TM2D2: variants seen among roughly 807,000 people sequenced by gnomAD.
The protein encoded by TM2D2 is TM2 domain-containing protein 2.
A neutral mutation model predicts 23.0 loss-of-function variants in TM2D2; 19 were observed. The observed-to-expected ratio is 0.82, with a 90% CI of 0.58 to 1.21. TM2D2 has a LOEUF of 1.21. TM2D2 is among the 50% of genes most tolerant of loss of function. The pLI, the probability that TM2D2 is intolerant of heterozygous loss-of-function variation, is 0.00. For missense variants in TM2D2, 246 were observed against 265.4 expected (o/e 0.93, Z 0.51); for synonymous variants, 120 against 108.8 (o/e 1.10, Z -0.64).
rs201964368 is a variant in TM2D2 at position 38,993,658 on chromosome 8, G to T, written c.318C>A (p.Phe106Leu). 6.2e-7 allele frequency: 1 copy of T among 1,611,986 alleles called. No homozygotes were observed. The highest frequency in any genetic ancestry group is 8.5e-7 in the Non-Finnish European group (1 of 1,178,694). Residue 106 changes from phenylalanine to leucine, a missense_variant and splice_region_variant, in exon 3 of 4, where the codon TTC becomes TTA. By Grantham distance (22) the Phe-to-Leu change is conservative. Coordinates refer to ENST00000456397, the MANE Select transcript of TM2D2 (RefSeq NM_078473.3). ...SQELGYGCLKFGGQAYSDVEH... is the reference protein window; with the variant it reads ...SQELGYGCLKLGGQAYSDVEH... ...CCACGTCGCTGTAGGCCTGACCGCC[G>T]AACTGTGGAATAACAACCAAGACCA...
chr8:38,996,940 C>A, upstream of TM2D2: 10 of 1,458,854 alleles, frequency 6.9e-6, no homozygotes, highest in Non-Finnish European at 9.3e-6. Flanking sequence ...TCGTCGGGCG[C>A]GCGTGCTCGT....
chr8:38,993,441 G>GT, intron 3 of TM2D2, 104 bp downstream of exon 3: 1 of 776,498 alleles, frequency 1.3e-6, no homozygotes, highest in Non-Finnish European at 2.0e-6. Context: ...GGGTAACAGA[G>GT]TGAGACCCTG....
rs1835588972 is a variant in TM2D2 at position 38,991,226 on chromosome 8, G to A, written c.*106C>T. 4.1e-6 allele frequency: 4 copies of A among 980,536 alleles called. No individual in the cohort carries two copies. In the East Asian group the frequency reaches 7.9e-5, roughly 19 times the overall value. The allele number at this position is 980,536 out of a possible 1,614,324, so 60.7% of individuals were successfully genotyped here. On this transcript the variant is annotated 3_prime_UTR_variant, in exon 4 of 4. Coordinates refer to ENST00000456397, the MANE Select transcript of TM2D2 (RefSeq NM_078473.3). The stretch of plus-strand genomic sequence containing the variant: ...CCAAACAAATGCCCTCCAAAAGAAG[G>A]AAAATAACATCAGGTCTGATATCAA...
At position 38,991,147 on chromosome 8, in the gene TM2D2, G is replaced by A. The variant is rs576470087; in HGVS notation, c.*185C>T. ...CACAACACTTTTTGCTTGTCATTCC[G>A]TCTGCAAGGTAAAATCTGGGTTGAA... On this transcript the variant is annotated 3_prime_UTR_variant, in exon 4 of 4. Transcript: ENST00000456397. The A allele has an allele frequency of 2.1e-5, 13 of 609,032 alleles. No homozygotes were observed. Among genetic ancestry groups the A allele is most frequent in the South Asian group, 4.1e-5 (2 of 49,320 alleles). The allele number at this position is 609,032 out of a possible 1,614,324, so 37.7% of individuals were successfully genotyped here.
chr8:38,989,758 T>C lies in TM2D2; in HGVS notation c.*1574A>G, dbSNP rs554622328. On this transcript the variant is annotated 3_prime_UTR_variant, in exon 4 of 4. Coordinates refer to ENST00000456397, the MANE Select transcript of TM2D2 (RefSeq NM_078473.3). ...TTGGGTAATATTATAATTTATGTTT[T>C]TTAGACTTCCCTTAGAAATTTTTTT... 1 of 152,348 alleles carries C rather than the reference T, an allele frequency of 6.6e-6. No homozygotes were observed. The highest frequency in any genetic ancestry group is 2.1e-4 in the South Asian group (1 of 4,826). 9.4% of individuals were successfully genotyped at this position (152,348 alleles called of 1,614,324 possible).
At position 38,993,654 on chromosome 8, in the gene TM2D2, C is replaced by A; in HGVS notation, c.322G>T (p.Gly108Cys). 1 of 1,612,722 alleles carries A rather than the reference C, an allele frequency of 6.2e-7. No homozygotes were observed. Among genetic ancestry groups the A allele is most frequent in the South Asian group, 1.1e-5 (1 of 90,974 alleles). ...ELGYGCLKFG[G>C]QAYSDVEHTS... Reference sequence around the variant, plus strand: ...TGTTCCACGTCGCTGTAGGCCTGACCGCCGAACTGTGGAATAACAACCAAG... The same window carrying A: ...TGTTCCACGTCGCTGTAGGCCTGACAGCCGAACTGTGGAATAACAACCAAG... Residue 108 changes from glycine (G) to cysteine (C), a missense_variant, in exon 3 of 4, where the codon GGT becomes TGT. Coordinates refer to ENST00000456397, the MANE Select transcript of TM2D2 (RefSeq NM_078473.3).
At position 38,991,488 on chromosome 8, in the gene TM2D2, A is replaced by G. The variant is rs746631781; in HGVS notation, c.489T>C (p.Phe163=). ...GTCCCAAACAGAATCGATCCACACCAAAACATCCCAGGAAGAAGGAGTAGA... is the reference window on the plus strand; with the variant it reads ...GTCCCAAACAGAATCGATCCACACCGAAACATCCCAGGAAGAAGGAGTAGA... ...TLLYSFFLGC[F]GVDRFCLGHT... is the part of the protein sequence containing the mutation. The change falls in exon 4 of 4, where the codon TTT becomes TTC. Residue 163 remains phenylalanine, a synonymous_variant. Transcript: ENST00000456397. The G allele has an allele frequency of 5.6e-6, 9 of 1,614,218 alleles. No homozygotes were observed. The South Asian group carries it at 9.9e-5, about 18-fold the overall frequency.
rs143015574 is a variant in TM2D2 at position 38,996,018 on chromosome 8, C to G, written c.227+195G>C. Among the ~76,000 whole-genome samples the G allele has an allele frequency of 1.5e-3, 221 of 152,328 alleles. 1 individual carries two copies. Among genetic ancestry groups the G allele is most frequent in the African/African-American group, 5.1e-3 (214 of 41,582 alleles). On this transcript the variant is annotated intron_variant, in intron 1 of 3. Transcript: ENST00000456397. ...GTTTTCCTCTTTGGGGATCTCAAAG[C>G]CTCTGTCACTGACACACAAGAGTTT...
At position 38,993,611 on chromosome 8, in the gene TM2D2, T is replaced by C. The variant is rs950242268; in HGVS notation, c.365A>G (p.His122Arg). 8 of 1,614,042 alleles carry C rather than the reference T, an allele frequency of 5.0e-6. No individual in the cohort carries two copies. The highest frequency in any genetic ancestry group is 6.8e-6 in the Non-Finnish European group (8 of 1,179,902). The change falls in exon 3 of 4, where the codon CAT becomes CGT. Residue 122 changes from histidine to arginine, a missense_variant. Transcript: ENST00000456397. The part of the protein sequence containing the change: ...SDVEHTSVQC[H>R]ALDGIECASP... ...GGCACACTCAATTCCATCTAAGGCA[T>C]GGCACTGGACTGAAGTGTGTTCCAC...
intron 3 of TM2D2, 68 bp downstream of exon 3, chr8:38,993,477 T>A: frequency 8.5e-7 from 1 of 1,182,674 alleles, no homozygotes; most frequent in Non-Finnish European, 1.2e-6. Flanking sequence ...AATAAATAAA[T>A]AAAAAGACAA....
chr8:38,996,232 C>T lies in TM2D2; in HGVS notation c.208G>A (p.Val70Ile), dbSNP rs775811823. The T allele has an allele frequency of 6.2e-7, 1 of 1,613,698 alleles. No homozygotes were observed. The highest frequency in any genetic ancestry group is 8.5e-7 in the Non-Finnish European group (1 of 1,179,900). Reference protein sequence around the residue: ...SWEYGDPHSPVILCSYLPDEF... With the variant: ...SWEYGDPHSPIILCSYLPDEF... ...GCTTACAGGTAAGAGCAGAGGATGA[C>T]CGGAGAGTGGGGGTCGCCATATTCC... Residue 70 changes from valine to isoleucine, a missense_variant, in exon 1 of 4, where the codon GTC becomes ATC. This residue lies in a region of TM2D2 where 212 missense variants were observed against 202.2 expected (regional missense o/e 1.05). Transcript: ENST00000456397.
chr8:38,991,845 A>T (rs1184190952), intron 3 of TM2D2, among the ~76,000 whole-genome samples: 1 of 152,150 alleles, frequency 6.6e-6, no homozygotes, highest in Admixed American at 6.5e-5. Context: ...CACTATCTTC[A>T]TTGGGGTTTC....
chr8:38,996,701 CG>C (rs1476154347), upstream of TM2D2: 11 of 1,421,632 alleles, frequency 7.7e-6, no homozygotes, highest in East Asian at 2.8e-4. Context: ...TCTTTTGCGC[CG>C]AATGCGTTCT....
chr8:38,996,754 A>T (rs766777811), upstream of TM2D2: 282 of 1,418,462 alleles, frequency 2.0e-4, no homozygotes, highest in Admixed American at 2.6e-4. Flanking sequence ...CGTGCCCGGC[A>T]GCCGACGGGG....
intron 3 of TM2D2, among the ~76,000 whole-genome samples, 198 bp from the exon 4 acceptor site, chr8:38,991,743 C>A (rs1296769616): frequency 1.3e-5 from 2 of 152,042 alleles, no homozygotes; most frequent in Non-Finnish European, 2.9e-5. Flanking sequence ...ACTCATAGGT[C>A]CCAGAGACAG....
At chr8:38,996,962 G>T (rs767216798), upstream of TM2D2, 1 of 1,493,082 alleles carries the variant, frequency 6.7e-7, no homozygotes, top group Non-Finnish European at 9.0e-7. Context: ...GGGCGCGCGC[G>T]CTTCCCGGCC....
chr8:38,995,765 C>G, intron 1 of TM2D2: 1 of 1,258,820 alleles, frequency 7.9e-7, no homozygotes, highest in Non-Finnish European at 1.0e-6. Flanking sequence ...CTTGTTTGAT[C>G]AAAAAGAGAT....
At chr8:38,996,591 A>G, upstream of TM2D2, 2 of 1,453,690 alleles carry the variant, frequency 1.4e-6, no homozygotes, top group Non-Finnish European at 1.8e-6. Flanking sequence ...CGCTCCGCGC[A>G]CCTCCGCCAA....
chr8:38,991,192 C>G lies in TM2D2; in HGVS notation c.*140G>C. 1.4e-6 allele frequency: 1 copy of G among 739,344 alleles called. No homozygotes were observed. Among genetic ancestry groups the G allele is most frequent in the East Asian group, 2.7e-5 (1 of 37,106 alleles). 45.8% of individuals were successfully genotyped at this position (739,344 alleles called of 1,614,324 possible). A position where few individuals can be genotyped will look rare whatever the true frequency, so the allele number is the denominator to read the frequency against. On this transcript the variant is annotated 3_prime_UTR_variant, in exon 4 of 4. Transcript: ENST00000456397. ...GTTGAAATTCCAAAGTCCAAAGAAG[C>G]CTTCTTAACCAAACAAATGCCCTCC...
Sources: gnomAD v4.1 joint callset for allele counts (sites outside exome capture counted in the v4.1 genomes callset) on GRCh38, gnomAD v4.1.1 for gene constraint, gnomAD v4.1.1 regional missense constraint, MANE v1.5 for transcripts, NCBI Gene and HGNC (gene_info 2026-07-23, HGNC 2026-07-21) for gene names.